The following USP32 variants were observed in gnomAD, a reference collection of about 807,000 sequenced individuals.
The protein encoded by USP32 is ubiquitin carboxyl-terminal hydrolase 32.
Under a neutral mutation model 204.8 loss-of-function variants are expected in USP32, and 59 were observed. The ratio of observed to expected loss-of-function variants is 0.29; its 90% CI spans 0.23 to 0.36. The LOEUF (loss-of-function observed/expected upper bound fraction) is 0.36, where lower values mean the gene tolerates loss of function less well. Ranked by LOEUF, USP32 falls within the 10% of genes least tolerant of loss-of-function variation. The pLI is 1.00. For synonymous variants in USP32, 517 were observed against 678.4 expected, an observed-to-expected ratio of 0.76 and a Z score of 3.70; for missense variants, 1,160 against 1,946.4, an observed-to-expected ratio of 0.60 and a Z score of 7.60.
chr17:60,277,901 T>A (rs1435068421), intron 5 of USP32, among the ~76,000 whole-genome samples: 1 of 146,210 alleles, frequency 6.8e-6, no homozygotes, highest in African/African-American at 2.7e-5. Context: ...ATTAAAAAAA[T>A]AACTTAATAA....
At chr17:60,245,030 T>C (rs959359436) in intron 11 of USP32, among the ~76,000 whole-genome samples, 2 of 152,244 alleles carry the variant, frequency 1.3e-5, no homozygotes, top group Admixed American at 6.5e-5. Flanking sequence ...TGCTCAAATA[T>C]AGCTCCCCTT....
chr17:60,292,778 T>TA (rs201407793), intron 4 of USP32, among the ~76,000 whole-genome samples: 3,608 of 125,888 alleles, frequency 0.029, 149 homozygotes, highest in African/African-American at 0.089. Flanking sequence ...ATCATGTGTG[T>TA]AAAAAAAAAA....
chr17:60,381,440 CAAA>C (rs397784557), intron 1 of USP32, among the ~76,000 whole-genome samples: 7 of 99,232 alleles, frequency 7.1e-5, no homozygotes, highest in Admixed American at 2.2e-4. Context: ...GACCCTGTCT[CAAA>C]AAAAAAAAAA....
chr17:60,269,399 AT>A (rs767372301), intron 7 of USP32, 50 bp downstream of exon 7: 39 of 1,366,318 alleles, frequency 2.9e-5, no homozygotes, highest in Non-Finnish European at 3.8e-5. Flanking sequence ...ATGAAAACTG[AT>A]TTTCTCTCTA....
At chr17:60,245,615 CT>C in intron 11 of USP32, 1 of 317,324 alleles carries the variant, frequency 3.2e-6, no homozygotes, top group South Asian at 3.4e-5. Context: ...TTTTGATGAT[CT>C]TGGACTTCAC....
At chr17:60,205,155 A>G (rs2084791521) in intron 26 of USP32, among the ~76,000 whole-genome samples, 1 of 152,238 alleles carries the variant, frequency 6.6e-6, no homozygotes, top group African/African-American at 2.4e-5. Flanking sequence ...TTGCCTCTTA[A>G]TATACGGATA....
chr17:60,363,019 A>G (rs1383145688), intron 1 of USP32, among the ~76,000 whole-genome samples: 1 of 152,144 alleles, frequency 6.6e-6, no homozygotes, highest in Non-Finnish European at 1.5e-5. Flanking sequence ...GGCCAGGCAC[A>G]GTGGCTCAGG....
intron 11 of USP32, among the ~76,000 whole-genome samples, chr17:60,241,066 C>T (rs766796009): frequency 1.3e-5 from 2 of 152,208 alleles, no homozygotes; most frequent in Non-Finnish European, 2.9e-5. Flanking sequence ...GGCTCAATCT[C>T]AGCTCACTGT....
chr17:60,422,281 T>C, exon 1 of USP32: 1 of 428,064 alleles, frequency 2.3e-6, no homozygotes, highest in Non-Finnish European at 4.1e-6. Context: ...ACAGTATTCT[T>C]GGGAGAAGGG....
rs372895602 is a variant in USP32 at position 60,289,575 on chromosome 17, T to C, written c.412-893A>G. Among the ~76,000 whole-genome samples, 8 of 152,328 alleles carry C rather than the reference T, an allele frequency of 5.3e-5. No individual in the cohort carries two copies. In the East Asian group the frequency reaches 1.5e-3, roughly 29 times the overall value. The stretch of plus-strand genomic sequence containing the variant: ...GTTGATTTCTGTTTCTTTGCTTTCT[T>C]TCCAGGTATTTTTCTTGATAAATCT... On this transcript the variant is annotated intron_variant, in intron 4 of 33. Transcript: ENST00000300896.
chr17:60,205,698 G>A, intron 25 of USP32, 40 bp from the exon 26 acceptor site: 1 of 1,603,674 alleles, frequency 6.2e-7, no homozygotes, highest in Middle Eastern at 1.7e-4. Flanking sequence ...TAAGCTTGTG[G>A]TATTTTCATC....
intron 2 of USP32, among the ~76,000 whole-genome samples, chr17:60,325,141 C>T (rs990671691): frequency 4.6e-5 from 7 of 151,644 alleles, no homozygotes; most frequent in African/African-American, 9.7e-5. Context: ...CTAGCTGCCA[C>T]GGTGGCTCAC....
At chr17:60,306,692 G>A (rs1276360495) in intron 2 of USP32, among the ~76,000 whole-genome samples, 1 of 151,972 alleles carries the variant, frequency 6.6e-6, no homozygotes, top group Non-Finnish European at 1.5e-5. Flanking sequence ...AGAGCAATCA[G>A]GCAAGAGAAA....
intron 21 of USP32, among the ~76,000 whole-genome samples, 187 bp from the exon 22 acceptor site, chr17:60,209,730 C>T (rs1371674481): frequency 6.6e-6 from 1 of 151,942 alleles, no homozygotes; most frequent in East Asian, 1.9e-4. Flanking sequence ...ATGACCCCCC[C>T]CAAAAAAAGA....
At chr17:60,395,702 C>T (rs946153377), upstream of USP32, among the ~76,000 whole-genome samples, 2 of 152,184 alleles carry the variant, frequency 1.3e-5, no homozygotes, top group Non-Finnish European at 2.9e-5. Flanking sequence ...ACTATAATTA[C>T]ATGCCTGCAA....
At chr17:60,333,008 G>C (rs1364129452) in intron 2 of USP32, among the ~76,000 whole-genome samples, 1 of 152,108 alleles carries the variant, frequency 6.6e-6, no homozygotes, top group Non-Finnish European at 1.5e-5. Context: ...TTTTGAAAGA[G>C]AGAATGTCAA....
In USP32 at chr17:60,181,464, T is replaced by G. The variant is rs771383704; in HGVS notation, c.4408A>C (p.Asn1470His). 7.4e-6 allele frequency: 12 copies of G among 1,613,994 alleles called. No individual in the cohort carries two copies. In the Admixed American group the frequency reaches 2.0e-4, roughly 27 times the overall value. The change falls in exon 32 of 34, where the codon AAT (asparagine) becomes CAT (histidine). Residue 1470 changes from asparagine to histidine, a missense_variant. Asn to His is a moderately conservative substitution (Grantham distance 68, BLOSUM62 1). Coordinates refer to ENST00000300896, the MANE Select transcript of USP32 (RefSeq NM_032582.4). ...GCTTCATGCTCATAAAGGAATCCATTGGCCAAAGCTACCTCATGGTCCTGA... is the reference window on the plus strand; with the variant it reads ...GCTTCATGCTCATAAAGGAATCCATGGGCCAAAGCTACCTCATGGTCCTGA... ...TPQDHEVALA[N>H]GFLYEHEACG...
chr17:60,352,862 A>C (rs1466055513), intron 1 of USP32, among the ~76,000 whole-genome samples: 4 of 152,212 alleles, frequency 2.6e-5, no homozygotes, highest in Non-Finnish European at 5.9e-5. Context: ...TCAAGAGATA[A>C]ACTCAACTGA....
rs531960509 is a variant in USP32 at position 60,272,389 on chromosome 17, C to T, written c.572-908G>A. ...ATTCCTCAGAATATACATCAAAAATCGCAAATAGGCTCTAAACCATTTTAT... is the reference window on the plus strand; with the variant it reads ...ATTCCTCAGAATATACATCAAAAATTGCAAATAGGCTCTAAACCATTTTAT... On this transcript the variant is annotated intron_variant, in intron 5 of 33. Coordinates refer to ENST00000300896, the MANE Select transcript of USP32 (RefSeq NM_032582.4). 1.2e-3 allele frequency among the ~76,000 whole-genome samples: 186 copies of T among 152,300 alleles called. 1 individual carries two copies. Among genetic ancestry groups the T allele is most frequent in the Non-Finnish European group, 2.0e-3 (135 of 68,024 alleles).
Sources: allele counts gnomAD v4.1 joint callset (sites outside exome capture counted in the v4.1 genomes callset), GRCh38; gene constraint gnomAD v4.1.1; transcripts MANE v1.5; gene names NCBI Gene and HGNC (gene_info 2026-07-23, HGNC 2026-07-21).